The following CSMD1 variants were observed in gnomAD, a reference collection of about 807,000 sequenced individuals.
CSMD1 encodes CUB and Sushi multiple domains 1, also known as CUB and sushi domain-containing protein 1.
Under a neutral mutation model 417.5 loss-of-function variants are expected in CSMD1, and 213 were observed. The ratio of observed to expected loss-of-function variants is 0.51; its 90% CI spans 0.46 to 0.57. The LOEUF is 0.57. Among genes scored for constraint, CSMD1 ranks in the 20% least tolerant of loss-of-function variants. CSMD1 has a pLI of 0.00. For missense variants in CSMD1, 6,923 were observed against 4,529.7 expected (o/e 1.53, Z -15.17); for synonymous variants, 2,862 against 1,736.8 (o/e 1.65, Z -16.11).
At chr8:4,180,145 C>G (rs1000126606) in intron 3 of CSMD1, among the ~76,000 whole-genome samples, 12 of 152,048 alleles carry the variant, frequency 7.9e-5, no homozygotes, top group African/African-American at 2.9e-4. Context: ...TACTGCGGCA[C>G]TATTCACGAC....
intron 10 of CSMD1, among the ~76,000 whole-genome samples, chr8:3,525,059 C>T (rs150168893): frequency 2.0e-5 from 3 of 152,282 alleles, no homozygotes; most frequent in African/African-American, 7.2e-5. Flanking sequence ...CGAATAAACT[C>T]TATCTGAAAA....
At chr8:4,262,919 T>A (rs773982406) in intron 3 of CSMD1, among the ~76,000 whole-genome samples, 3 of 152,298 alleles carry the variant, frequency 2.0e-5, no homozygotes, top group African/African-American at 7.2e-5. Context: ...TTTAAATTAA[T>A]GATGAACCAT....
chr8:3,439,301 ATATATATATTT>A (rs1386520337), intron 12 of CSMD1, among the ~76,000 whole-genome samples: 2 of 61,076 alleles, frequency 3.3e-5, no homozygotes, highest in African/African-American at 7.6e-5. Context: ...ATATATATAT[ATATATATATTT>A]TTTTTTTTAA....
chr8:3,300,093 T>A (rs191700525), intron 25 of CSMD1, among the ~76,000 whole-genome samples: 2 of 152,282 alleles, frequency 1.3e-5, no homozygotes, highest in Admixed American at 6.5e-5. Flanking sequence ...TTTAAATAAA[T>A]TAAGGCACAT....
At position 3,575,048 on chromosome 8, in the gene CSMD1, T is replaced by G; in HGVS notation, c.1241A>C (p.Asn414Thr). The G allele has an allele frequency of 6.2e-7, 1 of 1,613,348 alleles. No individual in the cohort carries two copies. The highest frequency in any genetic ancestry group is 8.5e-7 in the Non-Finnish European group (1 of 1,179,660). The change falls in exon 10 of 70, where the codon AAT (asparagine) becomes ACT (threonine). Residue 414 changes from asparagine (N) to threonine (T), a missense_variant. By Grantham distance (65) the Asn-to-Thr change is moderately conservative. Coordinates refer to ENST00000635120, the MANE Select transcript of CSMD1 (RefSeq NM_033225.6). ...PICRARTCGS[N>T]LRGPSGVITS... is the part of the protein sequence containing the mutation. The stretch of plus-strand genomic sequence containing the variant: ...AATGACGCCGCTGGGCCCACGCAGA[T>G]TGGATCCACATGTTCTCGCTGGAAA...
At chr8:4,369,307 G>A (rs567963278) in intron 3 of CSMD1, among the ~76,000 whole-genome samples, 103 of 152,154 alleles carry the variant, frequency 6.8e-4, no homozygotes, top group African/African-American at 2.4e-3. Context: ...TTTATTTGTG[G>A]TTGTTATGAA....
chr8:4,877,526 GTTC>G (rs1175187112), intron 1 of CSMD1, among the ~76,000 whole-genome samples: 1 of 151,858 alleles, frequency 6.6e-6, no homozygotes, highest in Non-Finnish European at 1.5e-5. Context: ...CTTCCTCCTA[GTTC>G]TTCTTCATAT....
chr8:3,222,778 G>A (rs141104246), intron 28 of CSMD1, among the ~76,000 whole-genome samples: 2 of 152,154 alleles, frequency 1.3e-5, no homozygotes, highest in African/African-American at 4.8e-5. Context: ...GTAAATTTGT[G>A]GCAGTTTAGT....
intron 3 of CSMD1, among the ~76,000 whole-genome samples, chr8:4,414,899 G>A (rs970964550): frequency 3.9e-5 from 6 of 152,134 alleles, no homozygotes; most frequent in Non-Finnish European, 7.4e-5. Context: ...TCCATTAAGT[G>A]CTCTGGGAAT....
At chr8:4,330,913 C>T (rs1799833991) in intron 3 of CSMD1, among the ~76,000 whole-genome samples, 1 of 152,084 alleles carries the variant, frequency 6.6e-6, no homozygotes, top group African/African-American at 2.4e-5. Flanking sequence ...ATGCCCAGCA[C>T]CCTACATTGG....
chr8:4,538,668 A>G lies in CSMD1; in HGVS notation c.302+98674T>C, dbSNP rs145798420. 2.6e-5 allele frequency among the ~76,000 whole-genome samples: 4 copies of G among 152,310 alleles called. No homozygotes were observed. In the East Asian group the frequency reaches 7.7e-4, roughly 29 times the overall value. Reference sequence around the variant, plus strand: ...AAAAAAAAATGAAATGAAATGAAATATAATAAAATAAAATGTAGTACCAAC... The same window carrying G: ...AAAAAAAAATGAAATGAAATGAAATGTAATAAAATAAAATGTAGTACCAAC... On this transcript the variant is annotated intron_variant, in intron 2 of 69. Coordinates refer to ENST00000635120, the MANE Select transcript of CSMD1 (RefSeq NM_033225.6).
intron 12 of CSMD1, among the ~76,000 whole-genome samples, chr8:3,458,686 T>G (rs1264815162): frequency 2.0e-5 from 3 of 152,354 alleles, no homozygotes; most frequent in Admixed American, 6.5e-5. Context: ...ACACATATAA[T>G]CTATTAATTT....
At chr8:2,953,752 T>C (rs1475934393) in intron 65 of CSMD1, among the ~76,000 whole-genome samples, 1 of 152,208 alleles carries the variant, frequency 6.6e-6, no homozygotes, top group African/African-American at 2.4e-5. Flanking sequence ...AATTAACATT[T>C]TAGAAGGCAA....
At chr8:4,283,248 A>G (rs1796888944) in intron 3 of CSMD1, among the ~76,000 whole-genome samples, 2 of 152,178 alleles carry the variant, frequency 1.3e-5, no homozygotes, top group Non-Finnish European at 2.9e-5. Flanking sequence ...TTTTGCAAAC[A>G]GTTTAGATGA....
intron 46 of CSMD1, among the ~76,000 whole-genome samples, chr8:3,101,862 C>T (rs1054494821): frequency 2.9e-5 from 4 of 137,066 alleles, no homozygotes; most frequent in East Asian, 2.2e-4. Flanking sequence ...AGTGCAGTGA[C>T]GTGATCTCAG....
At chr8:4,914,264 G>C (rs551407776) in intron 1 of CSMD1, among the ~76,000 whole-genome samples, 77 of 152,198 alleles carry the variant, frequency 5.1e-4, no homozygotes, top group Non-Finnish European at 8.5e-4. Flanking sequence ...AGAGGAAATA[G>C]AAACATTTCA....
At chr8:4,066,775 C>G (rs74539914) in intron 3 of CSMD1, among the ~76,000 whole-genome samples, 1 of 152,094 alleles carries the variant, frequency 6.6e-6, no homozygotes, top group African/African-American at 2.4e-5. Context: ...CGGAAAGGGG[C>G]GAGAAACGAA....
intron 3 of CSMD1, among the ~76,000 whole-genome samples, chr8:4,417,965 CT>C (rs1200457511): frequency 2.0e-5 from 3 of 151,964 alleles, no homozygotes; most frequent in African/African-American, 7.2e-5. Flanking sequence ...TCTAGATTAT[CT>C]TACCTTACTC....
At chr8:4,052,770 T>A (rs1366416324) in intron 3 of CSMD1, among the ~76,000 whole-genome samples, 3 of 152,122 alleles carry the variant, frequency 2.0e-5, no homozygotes, top group Non-Finnish European at 2.9e-5. Context: ...AAATGGGATA[T>A]CTGAGGACAC....
Sources: gnomAD v4.1 joint callset for allele counts (sites outside exome capture counted in the v4.1 genomes callset) on GRCh38, gnomAD v4.1.1 for gene constraint, MANE v1.5 for transcripts, NCBI Gene and HGNC (gene_info 2026-07-23, HGNC 2026-07-21) for gene names.